Variants in GALC observed in about 807,000 individuals in gnomAD.
GALC encodes galactosylceramidase.
A neutral mutation model predicts 91.8 loss-of-function variants in GALC; 77 were observed. That is an observed-to-expected ratio of 0.84 (90% CI 0.70 to 1.01). The LOEUF is 1.01. Ranked by LOEUF, GALC falls within the 50% of genes least tolerant of loss-of-function variation. The pLI is 0.00. For missense variants in GALC, 882 were observed against 855.9 expected (o/e 1.03, Z -0.38); for synonymous variants, 357 against 306.7 (o/e 1.16, Z -1.71).
At chr14:87,957,764 T>C (rs1237917728) in intron 10 of GALC, among the ~76,000 whole-genome samples, 4 of 152,090 alleles carry the variant, frequency 2.6e-5, no homozygotes, top group African/African-American at 9.7e-5. Flanking sequence ...TCTTTTAGAA[T>C]AGCTACAAAA....
At chr14:87,954,295 T>G in intron 10 of GALC, 1 of 1,569,528 alleles carries the variant, frequency 6.4e-7, no homozygotes, top group South Asian at 1.1e-5. Flanking sequence ...CTAAGAGTTG[T>G]TGATTTCACT....
At chr14:87,974,265 T>C (rs1421032542) in intron 7 of GALC, among the ~76,000 whole-genome samples, 1 of 152,102 alleles carries the variant, frequency 6.6e-6, no homozygotes, top group African/African-American at 2.4e-5. Flanking sequence ...AAAAATATAT[T>C]AGGCAAATCC....
intron 4 of GALC, among the ~76,000 whole-genome samples, chr14:87,986,215 A>G (rs1886963393): frequency 6.6e-6 from 1 of 152,232 alleles, no homozygotes; most frequent in South Asian, 2.1e-4. Flanking sequence ...CTATGACCTT[A>G]GGTCAGTGGC....
intron 1 of GALC, among the ~76,000 whole-genome samples, chr14:87,989,171 C>CA (rs1381579123): frequency 6.6e-6 from 1 of 151,882 alleles, no homozygotes; most frequent in Non-Finnish European, 1.5e-5. Context: ...CTTTGGGAGG[C>CA]AATATAAGCA....
chr14:87,984,090 A>G (rs1886862589), intron 5 of GALC, among the ~76,000 whole-genome samples: 1 of 151,100 alleles, frequency 6.6e-6, no homozygotes, highest in African/African-American at 2.4e-5. Context: ...TAGGAACCAG[A>G]GAAAGCAGGG....
chr14:87,941,976 CA>C (rs35316259), intron 14 of GALC, among the ~76,000 whole-genome samples: 71,356 of 151,906 alleles, frequency 0.47, 18,338 homozygotes, highest in East Asian at 0.75. Context: ...GCAATGAAGG[CA>C]ATGCTAGGAG....
At chr14:87,936,679 A>C (rs576207414) in intron 16 of GALC, among the ~76,000 whole-genome samples, 2 of 151,840 alleles carry the variant, frequency 1.3e-5, no homozygotes, top group African/African-American at 4.8e-5. Flanking sequence ...AATGTGTTGA[A>C]TATAAGAATG....
chr14:87,953,466 TCACATA>T, intron 10 of GALC: 1 of 1,569,536 alleles, frequency 6.4e-7, no homozygotes, highest in Middle Eastern at 2.3e-4. Context: ...ATAGCCACAT[TCACATA>T]AACTCTGACA....
At chr14:87,963,347 G>T (rs780905601) in intron 10 of GALC, 37 bp downstream of exon 10, 3 of 1,598,944 alleles carry the variant, frequency 1.9e-6, no homozygotes, top group Non-Finnish European at 2.6e-6. Context: ...CAATAGTAAA[G>T]AAGTGAGTTA....
chr14:87,953,169 A>T, intron 10 of GALC: 4 of 1,472,736 alleles, frequency 2.7e-6, no homozygotes, highest in Non-Finnish European at 3.8e-6. Flanking sequence ...AGTCTGAAGC[A>T]GCAGTTAGGA....
rs78408622 is a variant in GALC, at chr14:87,962,218, G to C, written c.1161+1166C>G. Among the ~76,000 whole-genome samples, 25 of 152,240 alleles carry C rather than the reference G, an allele frequency of 1.6e-4. No homozygotes were observed. In the East Asian group the frequency reaches 4.8e-3, roughly 29 times the overall value. ...CTATCGCCAGCTCTGACAGGGAGTG[G>C]GGAGTAGGGAGGTTATCTGGGTCTT... On this transcript the variant is annotated intron_variant, in intron 10 of 16. Transcript: ENST00000261304.
intron 7 of GALC, among the ~76,000 whole-genome samples, chr14:87,971,720 T>A (rs79109094): frequency 0.11 from 17,200 of 152,208 alleles, 1,145 homozygotes; most frequent in Non-Finnish European, 0.16. Context: ...TTATACTTAT[T>A]ACACACCTAA....
chr14:87,980,617 T>C (rs1886699525), intron 6 of GALC: 1 of 391,004 alleles, frequency 2.6e-6, no homozygotes, highest in Non-Finnish European at 3.5e-6. Context: ...CTAAAAGACT[T>C]CCCTAATCAA....
At chr14:87,944,416 A>G (rs1884982657) in intron 14 of GALC, among the ~76,000 whole-genome samples, 1 of 151,958 alleles carries the variant, frequency 6.6e-6, no homozygotes, top group Non-Finnish European at 1.5e-5. Flanking sequence ...GGCCTTGGAC[A>G]CTTAAACCCA....
At chr14:87,973,650 T>C (rs1387262445) in intron 7 of GALC, among the ~76,000 whole-genome samples, 3 of 152,180 alleles carry the variant, frequency 2.0e-5, no homozygotes, top group Non-Finnish European at 4.4e-5. Flanking sequence ...GTATTGCTCA[T>C]AGTAAACCAA....
At chr14:87,989,746 GCTA>G (rs1252005619) in intron 1 of GALC, 3 of 152,110 alleles carry the variant, frequency 2.0e-5, no homozygotes. Flanking sequence ...TATCTTCCAT[GCTA>G]CTTACGAGAG....
intron 16 of GALC, 84 bp downstream of exon 16, chr14:87,939,821 C>T: frequency 1.0e-6 from 1 of 974,620 alleles, no homozygotes; most frequent in Non-Finnish European, 1.7e-6. Context: ...GTCACACTTT[C>T]CCCCTCCTAT....
At chr14:87,963,286 T>C (rs1229906997) in intron 10 of GALC, 98 bp downstream of exon 10, 7 of 1,285,128 alleles carry the variant, frequency 5.4e-6, no homozygotes, top group Non-Finnish European at 7.9e-6. Flanking sequence ...GTCTGTATGC[T>C]TATGTATTTA....
chr14:87,937,448 T>C (rs1167048979), intron 16 of GALC, among the ~76,000 whole-genome samples: 1 of 151,810 alleles, frequency 6.6e-6, no homozygotes, highest in East Asian at 2.0e-4. Context: ...AAAGCTGAGA[T>C]TCAAGAGGAA....
Sources: gnomAD v4.1 joint callset for allele counts (sites outside exome capture counted in the v4.1 genomes callset) on GRCh38, gnomAD v4.1.1 for gene constraint, MANE v1.5 for transcripts, NCBI Gene and HGNC (gene_info 2026-07-23, HGNC 2026-07-21) for gene names.